PPARGC1A: variants seen among roughly 807,000 people sequenced by gnomAD.
PPARGC1A encodes peroxisome proliferator-activated receptor gamma coactivator 1-alpha.
In PPARGC1A, 25 loss-of-function variants were observed where a neutral mutation model predicts 88.7. The observed-to-expected ratio is 0.28, with a 90% CI of 0.21 to 0.39. PPARGC1A has a LOEUF of 0.39. Ranked by LOEUF, PPARGC1A falls within the 10% of genes least tolerant of loss-of-function variation. The probability of loss-of-function intolerance (pLI) is 1.00; values close to 1 mark genes in which losing one functional copy is unlikely to be tolerated. For missense variants in PPARGC1A, 880 were observed against 968.7 expected, an observed-to-expected ratio of 0.91 and a Z score of 1.22; for synonymous variants, 363 against 355.6, an observed-to-expected ratio of 1.02 and a Z score of -0.24.
the PPARGC1A span, among the ~76,000 whole-genome samples, chr4:24,388,695 C>G: frequency 7.2e-5 from 11 of 152,126 alleles, no homozygotes; most frequent in Non-Finnish European, 1.3e-4. Context: ...TGGAAGCCAT[C>G]ATTCTCGGCA....
chr4:24,310,967 G>C, the PPARGC1A span, among the ~76,000 whole-genome samples: 2 of 151,118 alleles, frequency 1.3e-5, no homozygotes, highest in Non-Finnish European at 2.9e-5. Context: ...TAATGAATGA[G>C]TAAATGTGAT....
the PPARGC1A span, among the ~76,000 whole-genome samples, chr4:24,435,429 T>C: frequency 2.0e-5 from 3 of 152,216 alleles, no homozygotes; most frequent in African/African-American, 7.2e-5. Flanking sequence ...TGGAAGCCCT[T>C]CCTACTTGCT....
intron 2 of PPARGC1A, among the ~76,000 whole-genome samples, chr4:23,865,376 A>G (rs1182699786): frequency 6.6e-6 from 1 of 152,192 alleles, no homozygotes; most frequent in Non-Finnish European, 1.5e-5. Flanking sequence ...GTTAAATACT[A>G]AGTCCTAAGT....
the PPARGC1A span, among the ~76,000 whole-genome samples, chr4:23,916,553 T>C: frequency 6.6e-6 from 1 of 152,112 alleles, no homozygotes; most frequent in South Asian, 2.1e-4. Context: ...TATACTGCTC[T>C]GAAACCTGCT....
At chr4:23,955,243 C>T in the PPARGC1A span, among the ~76,000 whole-genome samples, 4 of 152,094 alleles carry the variant, frequency 2.6e-5, no homozygotes, top group East Asian at 7.7e-4. Flanking sequence ...ACATCTAATG[C>T]TTGTGTTTCT....
At chr4:24,076,332 C>A in the PPARGC1A span, among the ~76,000 whole-genome samples, 2 of 152,138 alleles carry the variant, frequency 1.3e-5, no homozygotes, top group Admixed American at 1.3e-4. Context: ...GCCCTCTAAC[C>A]CAGATCCACA....
chr4:23,946,971 A>G, the PPARGC1A span, among the ~76,000 whole-genome samples: 6 of 152,044 alleles, frequency 3.9e-5, no homozygotes, highest in Non-Finnish European at 2.9e-5. Context: ...ATCATGCACT[A>G]TCTGCCTCTG....
the PPARGC1A span, among the ~76,000 whole-genome samples, chr4:24,269,340 T>G: frequency 6.7e-5 from 10 of 149,534 alleles, no homozygotes; most frequent in African/African-American, 2.2e-4. Flanking sequence ...TGGGGAAGGA[T>G]AAGGAATCAG....
intron 8 of PPARGC1A, 39 bp from the exon 9 acceptor site, chr4:23,813,164 T>C (rs1560349255): frequency 1.3e-6 from 2 of 1,574,192 alleles, no homozygotes; most frequent in South Asian, 1.1e-5. Context: ...CATTTGCAAC[T>C]GCCACTTAAC....
the PPARGC1A span, among the ~76,000 whole-genome samples, chr4:24,149,250 T>C: frequency 6.6e-6 from 1 of 152,182 alleles, no homozygotes; most frequent in Non-Finnish European, 1.5e-5. Context: ...TCAAGAATAA[T>C]GGAGATATGC....
chr4:24,304,319 C>T, the PPARGC1A span, among the ~76,000 whole-genome samples: 2 of 152,142 alleles, frequency 1.3e-5, no homozygotes, highest in Non-Finnish European at 2.9e-5. Context: ...TGTTAAGAGA[C>T]TTATTATAAC....
the PPARGC1A span, among the ~76,000 whole-genome samples, chr4:24,158,910 T>G: frequency 6.6e-6 from 1 of 152,214 alleles, no homozygotes; most frequent in Non-Finnish European, 1.5e-5. Flanking sequence ...CTCTAAAATA[T>G]ACCTTTTCCT....
At chr4:24,020,823 G>A in the PPARGC1A span, among the ~76,000 whole-genome samples, 1 of 152,116 alleles carries the variant, frequency 6.6e-6, no homozygotes, top group African/African-American at 2.4e-5. Context: ...TTCTCCCCAC[G>A]GTGAGCATCA....
chr4:24,015,633 G>T, the PPARGC1A span, among the ~76,000 whole-genome samples: 1 of 152,086 alleles, frequency 6.6e-6, no homozygotes, highest in Non-Finnish European at 1.5e-5. Context: ...TCACAGTGGC[G>T]TGTGTGCGTG....
At chr4:24,211,535 G>A in the PPARGC1A span, among the ~76,000 whole-genome samples, 1 of 152,234 alleles carries the variant, frequency 6.6e-6, no homozygotes. Context: ...CCCTATGTGC[G>A]TGCATGGCTA....
chr4:24,425,343 G>C, the PPARGC1A span, among the ~76,000 whole-genome samples: 1 of 152,114 alleles, frequency 6.6e-6, no homozygotes, highest in African/African-American at 2.4e-5. Context: ...TATTTCTGTA[G>C]AATCATATAT....
chr4:24,035,357 T>A, the PPARGC1A span, among the ~76,000 whole-genome samples: 1 of 151,858 alleles, frequency 6.6e-6, no homozygotes, highest in Non-Finnish European at 1.5e-5. Context: ...TGGGCCAACA[T>A]GGTTAAACCC....
At chr4:24,257,407 A>G in the PPARGC1A span, among the ~76,000 whole-genome samples, 1 of 152,192 alleles carries the variant, frequency 6.6e-6, no homozygotes, top group Non-Finnish European at 1.5e-5. Context: ...AAAAAATGTC[A>G]AACCATGGGT....
the PPARGC1A span, among the ~76,000 whole-genome samples, chr4:24,409,502 C>A: frequency 6.6e-6 from 1 of 152,158 alleles, no homozygotes; most frequent in Non-Finnish European, 1.5e-5. Flanking sequence ...CCGGAAAGTG[C>A]TACAAAATCA....
Sources: allele counts gnomAD v4.1 joint callset (sites outside exome capture counted in the v4.1 genomes callset), GRCh38; gene constraint gnomAD v4.1.1; transcripts MANE v1.5; gene names NCBI Gene and HGNC (gene_info 2026-07-23, HGNC 2026-07-21).